Variants in PRMT3 observed in about 807,000 individuals in gnomAD.
PRMT3 encodes protein arginine methyltransferase 3.
In PRMT3, 62 loss-of-function variants were observed where a neutral mutation model predicts 71.9. That is an observed-to-expected ratio of 0.86 (90% CI 0.70 to 1.07). The LOEUF (loss-of-function observed/expected upper bound fraction) is 1.07. Among genes scored for constraint, PRMT3 ranks in the 50% least tolerant of loss-of-function variants. PRMT3 has a pLI of 0.00. For synonymous variants in PRMT3, 213 were observed against 220.4 expected, an observed-to-expected ratio of 0.97 and a Z score of 0.30; for missense variants, 663 against 643.0, an observed-to-expected ratio of 1.03 and a Z score of -0.34.
chr11:20,488,004 C>T (rs765477987), intron 13 of PRMT3, among the ~76,000 whole-genome samples: 7 of 152,012 alleles, frequency 4.6e-5, no homozygotes, highest in African/African-American at 7.2e-5. Flanking sequence ...TACTACTTCC[C>T]ATATTGCTTT....
chr11:20,449,554 C>G (rs1020420073), intron 10 of PRMT3, among the ~76,000 whole-genome samples: 1 of 151,942 alleles, frequency 6.6e-6, no homozygotes, highest in Non-Finnish European at 1.5e-5. Context: ...TATTTTAGAT[C>G]GCAACTTACT....
rs1848628372 is a variant in PRMT3 at position 20,387,826 on chromosome 11, G to T, written c.28+52G>T. On this transcript the variant is annotated intron_variant, in intron 1 of 15. Coordinates refer to ENST00000331079, the MANE Select transcript of PRMT3 (RefSeq NM_005788.4). This position sits in a 1 kb window ranked among gnomAD's most constrained non-coding sequence, Gnocchi z 4.3. The stretch of plus-strand genomic sequence containing the variant: ...GGCTCGTCCAGCCCCAGGCCGCGCC[G>T]CTGTGGGGCCGGTGGAAGACCCTCC... 2.6e-6 allele frequency: 4 copies of T among 1,539,158 alleles called. No homozygotes were observed. Among genetic ancestry groups the T allele is most frequent in the Non-Finnish European group, 3.5e-6 (4 of 1,145,158 alleles).
chr11:20,497,369 T>G (rs1029824380), intron 15 of PRMT3, among the ~76,000 whole-genome samples: 4 of 152,194 alleles, frequency 2.6e-5, no homozygotes, highest in African/African-American at 9.7e-5. Context: ...GGTGTATGCA[T>G]TTGTATCTAA....
chr11:20,489,563 T>C (rs1851159083), intron 13 of PRMT3, among the ~76,000 whole-genome samples: 1 of 152,170 alleles, frequency 6.6e-6, no homozygotes, highest in African/African-American at 2.4e-5. Context: ...GATGTTAAGA[T>C]AGCCTGTCAA....
At chr11:20,491,986 T>C (rs1472359273) in intron 13 of PRMT3, among the ~76,000 whole-genome samples, 1 of 152,184 alleles carries the variant, frequency 6.6e-6, no homozygotes, top group African/African-American at 2.4e-5. Context: ...AAGCTAGCCA[T>C]ATTTGAGACT....
intron 9 of PRMT3, among the ~76,000 whole-genome samples, chr11:20,417,626 C>G (rs1849336038): frequency 2.6e-5 from 4 of 152,146 alleles, no homozygotes. Context: ...AATGACTCTT[C>G]ATTATCTTTA....
At chr11:20,425,182 T>G (rs1024332071) in intron 9 of PRMT3, among the ~76,000 whole-genome samples, 1 of 150,648 alleles carries the variant, frequency 6.6e-6, no homozygotes, top group African/African-American at 2.4e-5. Flanking sequence ...AAAGAAGACA[T>G]GGGAATATGG....
intron 10 of PRMT3, among the ~76,000 whole-genome samples, chr11:20,441,788 G>GTGTTTT (rs1491118858): frequency 2.5e-5 from 3 of 118,534 alleles, no homozygotes; most frequent in Non-Finnish European, 3.5e-5. Context: ...ATAGTTTCAG[G>GTGTTTT]TTTTTTTTTT....
chr11:20,486,225 A>C (rs1851067689), intron 13 of PRMT3, among the ~76,000 whole-genome samples: 1 of 152,228 alleles, frequency 6.6e-6, no homozygotes. Context: ...AATGTTTTTA[A>C]AATTAGATTG....
chr11:20,505,822 A>T (rs998383551), intron 15 of PRMT3, among the ~76,000 whole-genome samples: 3 of 151,660 alleles, frequency 2.0e-5, no homozygotes, highest in Non-Finnish European at 2.9e-5. Context: ...AGTTACATCA[A>T]CTTACATATC....
intron 13 of PRMT3, among the ~76,000 whole-genome samples, chr11:20,474,661 T>A (rs1273608015): frequency 6.6e-6 from 1 of 152,246 alleles, no homozygotes; most frequent in Non-Finnish European, 1.5e-5. Context: ...AATCACTCAC[T>A]GCTTCCCTTA....
At chr11:20,402,420 G>A (rs1047220005) in intron 7 of PRMT3, among the ~76,000 whole-genome samples, 2 of 151,820 alleles carry the variant, frequency 1.3e-5, no homozygotes, top group African/African-American at 4.8e-5. Context: ...AACCCAGCCT[G>A]TTATTTTTAT....
chr11:20,498,293 A>G (rs909297476), intron 15 of PRMT3, among the ~76,000 whole-genome samples: 2 of 152,228 alleles, frequency 1.3e-5, no homozygotes, highest in African/African-American at 2.4e-5. Flanking sequence ...CACATCGAAG[A>G]AACTCAATTA....
chr11:20,470,281 G>T (rs554594087), intron 13 of PRMT3, among the ~76,000 whole-genome samples: 1 of 152,234 alleles, frequency 6.6e-6, no homozygotes, highest in East Asian at 1.9e-4. Context: ...TGTGCAGGAT[G>T]TGCAGGTTTG....
intron 15 of PRMT3, among the ~76,000 whole-genome samples, chr11:20,506,515 G>C (rs994985691): frequency 2.6e-5 from 4 of 152,160 alleles, no homozygotes; most frequent in Admixed American, 6.5e-5. Context: ...CAAAGATGTA[G>C]AGAAGGTATC....
chr11:20,424,195 A>G (rs1849491527), intron 9 of PRMT3, among the ~76,000 whole-genome samples: 1 of 152,058 alleles, frequency 6.6e-6, no homozygotes, highest in Admixed American at 6.6e-5. Context: ...AAAAAAAAAA[A>G]AAAAAATTGA....
rs752870408 is a variant in PRMT3 at position 20,494,150 on chromosome 11, G to A, written c.1399-17G>A. On this transcript the variant is annotated splice_polypyrimidine_tract_variant and intron_variant, in intron 14 of 15. Coordinates refer to ENST00000331079, the MANE Select transcript of PRMT3 (RefSeq NM_005788.4). Reference sequence around the variant, plus strand: ...ATCTTGTACTTCATCAAATACCTTTGAACTTTACCAATTCAGGTCGTGTTC... The same window carrying A: ...ATCTTGTACTTCATCAAATACCTTTAAACTTTACCAATTCAGGTCGTGTTC... The A allele has an allele frequency of 1.3e-6, 2 of 1,577,192 alleles. No homozygotes were observed. Among genetic ancestry groups the A allele is most frequent in the South Asian group, 2.2e-5 (2 of 89,962 alleles).
At chr11:20,471,994 A>G (rs1422749159) in intron 13 of PRMT3, among the ~76,000 whole-genome samples, 1 of 151,824 alleles carries the variant, frequency 6.6e-6, no homozygotes, top group African/African-American at 2.4e-5. Flanking sequence ...TTTGGCTCTC[A>G]GCTTGCCTGT....
intron 2 of PRMT3, 76 bp downstream of exon 2, chr11:20,388,230 C>T (rs1848641161): frequency 3.8e-6 from 6 of 1,594,752 alleles, no homozygotes; most frequent in African/African-American, 1.3e-5. Flanking sequence ...GGAACGCCTT[C>T]GGGCGGGAGG....
Sources: gnomAD v4.1 joint callset for allele counts (sites outside exome capture counted in the v4.1 genomes callset) on GRCh38, gnomAD v4.1.1 for gene constraint, Gnocchi (gnomAD v3.1) non-coding constraint, MANE v1.5 for transcripts, NCBI Gene and HGNC (gene_info 2026-07-23, HGNC 2026-07-21) for gene names.